The following AGA variants were observed in gnomAD, a reference collection of about 807,000 sequenced individuals.
AGA encodes the protein N(4)-(beta-N-acetylglucosaminyl)-L-asparaginase.
In AGA, 31 loss-of-function variants were observed where a neutral mutation model predicts 40.1. That is an observed-to-expected ratio of 0.77 (90% confidence interval 0.58 to 1.04). The LOEUF (loss-of-function observed/expected upper bound fraction) is 1.04. Ranked by LOEUF, AGA falls within the 50% of genes least tolerant of loss-of-function variation. The pLI, the probability that AGA is intolerant of heterozygous loss-of-function variation, is 0.00. For synonymous variants in AGA, 148 were observed against 144.0 expected (o/e 1.03, Z -0.20); for missense variants, 445 against 435.4 (o/e 1.02, Z -0.20).
chr4:177,431,787 G>C lies in AGA; in HGVS notation c.962C>G (p.Ser321Ter). 6.2e-7 allele frequency: 1 copy of C among 1,613,838 alleles called. No individual in the cohort carries two copies. Residue 321 changes from serine (S) to a stop codon, truncating the protein, a stop_gained, in exon 9 of 9, where the codon TCA (serine) becomes TGA (stop). Coordinates refer to ENST00000264595, the MANE Select transcript of AGA (RefSeq NM_000027.4). LOFTEE classifies it high-confidence loss of function. The part of the protein sequence containing the change: ...GSYGAACNKL[S>*]TFTQFSFMVY... Reference sequence around the variant, plus strand: ...CATGAAACTAAACTGAGTAAATGTTGAAAGTTTATTGCAAGCAGCACCTGG... The same window carrying C: ...CATGAAACTAAACTGAGTAAATGTTCAAAGTTTATTGCAAGCAGCACCTGG...
Position 177,436,437 on chromosome 4 carries a change from C to T in AGA, c.623-86G>A, listed in dbSNP as rs555755210. The stretch of plus-strand genomic sequence containing the variant: ...ATAATTGAGCAACTGGTAATAACTG[C>T]TGTGCTCTGAATGTTTGTGTTCCCC... On this transcript the variant is annotated intron_variant, in intron 5 of 8. Transcript: ENST00000264595. The T allele has an allele frequency of 3.0e-5, 32 of 1,051,280 alleles. No individual in the cohort carries two copies. In the East Asian group the frequency reaches 5.0e-4, roughly 16 times the overall value. 65.1% of individuals were successfully genotyped at this position (1,051,280 alleles called of 1,614,324 possible).
In AGA at chr4:177,437,460, C is replaced by T; in HGVS notation, c.567G>A (p.Lys189=). 1 of 1,613,548 alleles carries T rather than the reference C, an allele frequency of 6.2e-7. No homozygotes were observed. The highest frequency in any genetic ancestry group is 2.2e-5 in the East Asian group (1 of 44,774). ...TTTCTTTATGGATAGGAATATCCTG[C>T]TTTAAGATACCAGGTGGTTTGTAGG... ...CGPYKPPGIL[K]QDIPIHKETE... Residue 189 remains lysine, a synonymous_variant, in exon 5 of 9, where the codon AAG becomes AAA. Transcript: ENST00000264595.
chr4:177,436,160 C>G, intron 6 of AGA, 116 bp downstream of exon 6: 2 of 847,932 alleles, frequency 2.4e-6, no homozygotes, highest in Non-Finnish European at 4.0e-6. Flanking sequence ...TTCTTTCACA[C>G]TCATTCATCG....
rs886059261 is a variant in AGA, at chr4:177,436,317, A to G, written c.657T>C (p.Ala219=). The G allele has an allele frequency of 1.7e-5, 27 of 1,613,712 alleles. 1 individual carries two copies. The highest frequency in any genetic ancestry group is 2.2e-5 in the Non-Finnish European group (26 of 1,179,882). Residue 219 remains alanine (A), a synonymous_variant, in exon 6 of 9, where the codon GCT becomes GCC. Coordinates refer to ENST00000264595, the MANE Select transcript of AGA (RefSeq NM_000027.4). ...MVVIHKTGHI[A]AGTSTNGIKF... is the part of the protein sequence containing the mutation. ...TTATACCATTTGTAGATGTACCAGC[A>G]GCAATATGTCCTGTCTTATGGATTA...
Position 177,433,613 on chromosome 4 carries a change from C to T in AGA, c.807-266G>A, listed in dbSNP as rs571068505. Among the ~76,000 whole-genome samples, 142 of 152,056 alleles carry T rather than the reference C, an allele frequency of 9.3e-4. 1 individual carries two copies. Among genetic ancestry groups the T allele is most frequent in the African/African-American group, 3.2e-3 (134 of 41,464 alleles). On this transcript the variant is annotated intron_variant, in intron 7 of 8. Transcript: ENST00000264595. ...GCTGAATAACTGTCAGTAATGATAC[C>T]GACAGTCAAATGTAATGGCCAGAAC...
At chr4:177,436,793 T>C (rs2111014519) in intron 5 of AGA, among the ~76,000 whole-genome samples, 1 of 152,180 alleles carries the variant, frequency 6.6e-6, no homozygotes, top group South Asian at 2.1e-4. Context: ...TAACAGGCAA[T>C]TAACATTATT....
chr4:177,434,777 T>G (rs1328428418), intron 6 of AGA, among the ~76,000 whole-genome samples: 1 of 152,114 alleles, frequency 6.6e-6, no homozygotes, highest in South Asian at 2.1e-4. Flanking sequence ...GAGGGGGACC[T>G]GGCGAGATGC....
At chr4:177,433,479 G>A (rs980337696) in intron 7 of AGA, 132 bp from the exon 8 acceptor site, 36 of 1,025,978 alleles carry the variant, frequency 3.5e-5, no homozygotes, top group African/African-American at 1.4e-4. Context: ...AACAAGAGTC[G>A]GTTACTTCTG....
At chr4:177,437,630 A>T (rs1432714261) in intron 4 of AGA, 111 bp from the exon 5 acceptor site, 1 of 724,494 alleles carries the variant, frequency 1.4e-6, no homozygotes. Context: ...GACATCTGGT[A>T]ACTTAAAGAT....
Position 177,433,358 on chromosome 4 carries a change from C to G in AGA, c.807-11G>C, listed in dbSNP as rs780375973. On this transcript the variant is annotated splice_polypyrimidine_tract_variant and intron_variant, in intron 7 of 8. Coordinates refer to ENST00000264595, the MANE Select transcript of AGA (RefSeq NM_000027.4). ...TCTACAGCTTGGTAGCTGATTGAAACAGAGGTGAAACCTTAGTGTCTCAGA... is the reference window on the plus strand; with the variant it reads ...TCTACAGCTTGGTAGCTGATTGAAAGAGAGGTGAAACCTTAGTGTCTCAGA... The G allele has an allele frequency of 1.9e-6, 3 of 1,613,846 alleles. No individual in the cohort carries two copies. Among genetic ancestry groups the G allele is most frequent in the Non-Finnish European group, 2.5e-6 (3 of 1,179,952 alleles).
rs199563011 is a variant in AGA, at chr4:177,431,477, C to G, written c.*231G>C. On this transcript the variant is annotated 3_prime_UTR_variant, in exon 9 of 9. Transcript: ENST00000264595. The stretch of plus-strand genomic sequence containing the variant: ...GTGTCACTTAAAACTTAAATATATA[C>G]AAAATACAGCCACATACATATTCAT... The G allele has an allele frequency of 1.8e-6, 1 of 559,506 alleles. No homozygotes were observed. Among genetic ancestry groups the G allele is most frequent in the Non-Finnish European group, 3.2e-6 (1 of 310,878 alleles). The allele number at this position is 559,506 out of a possible 1,614,324, so 34.7% of individuals were successfully genotyped here. A position where few individuals can be genotyped will look rare whatever the true frequency, so the allele number is the denominator to read the frequency against.
In AGA at chr4:177,442,324, G is replaced by C. The variant is rs201701066; in HGVS notation, c.52C>G (p.Gln18Glu). ...GGGCTGGAGCAGCGCACTAGGGCCT[G>C]GCAGAGCAGAAACGGCACGAGAAGC... ...PVLLVPFLLC[Q>E]ALVRCSSPLP... Residue 18 changes from glutamine to glutamate, a missense_variant, in exon 1 of 9, where the codon CAG becomes GAG. By Grantham distance (29) the Gln-to-Glu change is conservative. Coordinates refer to ENST00000264595, the MANE Select transcript of AGA (RefSeq NM_000027.4). 1.2e-6 allele frequency: 2 copies of C among 1,614,126 alleles called. No individual in the cohort carries two copies. Among genetic ancestry groups the C allele is most frequent in the Non-Finnish European group, 1.7e-6 (2 of 1,179,956 alleles).
intron 8 of AGA, among the ~76,000 whole-genome samples, chr4:177,432,869 A>G (rs1736673852): frequency 6.6e-6 from 1 of 152,212 alleles, no homozygotes; most frequent in Non-Finnish European, 1.5e-5. Context: ...AATAGGGAAG[A>G]TAATTTATCC....
intron 4 of AGA, among the ~76,000 whole-genome samples, chr4:177,438,077 G>A (rs1167617763): frequency 6.6e-6 from 1 of 152,150 alleles, no homozygotes; most frequent in African/African-American, 2.4e-5. Flanking sequence ...TGGTATTAAA[G>A]CAAGAAACCT....
rs755897355 is a variant in AGA at position 177,431,661 on chromosome 4, C to G, written c.*47G>C. ...GATGAGAGTGAGCAGCCTTTTCAGC[C>G]TTTGTTTCTTTCTTCTTTAAATACA... On this transcript the variant is annotated 3_prime_UTR_variant, in exon 9 of 9. Coordinates refer to ENST00000264595, the MANE Select transcript of AGA (RefSeq NM_000027.4). 1 of 1,503,638 alleles carries G rather than the reference C, an allele frequency of 6.7e-7. No individual in the cohort carries two copies. The highest frequency in any genetic ancestry group is 1.1e-5 in the South Asian group (1 of 88,042). The allele number at this position is 1,503,638 out of a possible 1,614,324, so 93.1% of individuals were successfully genotyped here. A position where few individuals can be genotyped will look rare whatever the true frequency, so the allele number is the denominator to read the frequency against.
chr4:177,438,536 C>CAGT (rs1736893570), intron 4 of AGA, among the ~76,000 whole-genome samples: 1 of 152,096 alleles, frequency 6.6e-6, no homozygotes, highest in Non-Finnish European at 1.5e-5. Context: ...TGTGAGAGAC[C>CAGT]AGTAGCTCTC....
In AGA at chr4:177,434,364, CA is replaced by C. The variant is rs1481281571; in HGVS notation, c.806+17del. 6.2e-7 allele frequency: 1 copy of C among 1,609,668 alleles called. No homozygotes were observed. Among genetic ancestry groups the C allele is most frequent in the Non-Finnish European group, 8.5e-7 (1 of 1,176,132 alleles). On this transcript the variant is annotated intron_variant, in intron 7 of 8. Coordinates refer to ENST00000264595, the MANE Select transcript of AGA (RefSeq NM_000027.4). ...CTTCTCCAAAGGTCTCTAAAATTCACAAACTAAGAAGTCATACCTTGGCAGG... is the reference window on the plus strand; with the variant it reads ...CTTCTCCAAAGGTCTCTAAAATTCACAACTAAGAAGTCATACCTTGGCAGG...
At chr4:177,436,659 G>A (rs115398430) in intron 5 of AGA, among the ~76,000 whole-genome samples, 2,975 of 152,284 alleles carry the variant, frequency 0.02, 81 homozygotes, top group African/African-American at 0.067. Context: ...AGGAAAACAA[G>A]CTGTCTCCAA....
At chr4:177,434,046 T>G (rs569129149) in intron 7 of AGA, among the ~76,000 whole-genome samples, 4 of 152,158 alleles carry the variant, frequency 2.6e-5, no homozygotes, top group African/African-American at 7.2e-5. Flanking sequence ...CACACTGGAG[T>G]GCAGTGGCGC....
Sources: gnomAD v4.1 joint callset for allele counts (sites outside exome capture counted in the v4.1 genomes callset) on GRCh38, gnomAD v4.1.1 for gene constraint, MANE v1.5 for transcripts, NCBI Gene and HGNC (gene_info 2026-07-23, HGNC 2026-07-21) for gene names.